CELF2: variants seen among roughly 807,000 people sequenced by gnomAD.
CELF2 encodes CUG triplet repeat RNA-binding protein 2.
CELF2 carries 8 observed loss-of-function variants against 62.6 expected under a neutral mutation model. The ratio of observed to expected loss-of-function variants is 0.13; its 90% CI spans 0.07 to 0.23. The LOEUF is 0.23. CELF2 is among the 10% of genes least tolerant of loss of function. The pLI, the probability that CELF2 is intolerant of heterozygous loss-of-function variation, is 1.00. For synonymous variants in CELF2, 258 were observed against 250.0 expected, an observed-to-expected ratio of 1.03 and a Z score of -0.30; for missense variants, 333 against 671.0, an observed-to-expected ratio of 0.50 and a Z score of 5.56.
chr10:11,257,945 T>A, intron 5 of CELF2, 73 bp downstream of exon 5: 1 of 1,568,872 alleles, frequency 6.4e-7, no homozygotes. Flanking sequence ...GAGACAGATG[T>A]AGGCACCGCA....
At chr10:10,549,370 G>A in the CELF2 span, among the ~76,000 whole-genome samples, 83 of 152,260 alleles carry the variant, frequency 5.5e-4, no homozygotes, top group East Asian at 0.014. Context: ...TGCAACTTCC[G>A]CCTCCTGTGT....
the CELF2 span, among the ~76,000 whole-genome samples, chr10:10,759,296 CTTTTTTTTTTTTTTTTTTTTT>C: frequency 8.3e-6 from 1 of 120,904 alleles, no homozygotes; most frequent in Non-Finnish European, 1.7e-5. Context: ...GCCCATTTTT[CTTTTTTTTTTTTTTTTTTTTT>C]TTTTTTTTTG....
At chr10:10,624,466 A>G in the CELF2 span, among the ~76,000 whole-genome samples, 1 of 152,224 alleles carries the variant, frequency 6.6e-6, no homozygotes, top group South Asian at 2.1e-4. Flanking sequence ...TTTCAGTACA[A>G]GCAGTTAGTA....
chr10:10,607,272 TCA>T, the CELF2 span, among the ~76,000 whole-genome samples: 3 of 152,166 alleles, frequency 2.0e-5, no homozygotes, highest in Non-Finnish European at 4.4e-5. Context: ...ATTTCATTTT[TCA>T]CAGTGTTACA....
chr10:11,037,386 A>G (rs2061134994), intron 1 of CELF2, among the ~76,000 whole-genome samples: 1 of 152,220 alleles, frequency 6.6e-6, no homozygotes. Context: ...TTGTGTGAGG[A>G]CACAGCCAAA....
the CELF2 span, among the ~76,000 whole-genome samples, chr10:10,659,815 G>T: frequency 1.3e-5 from 2 of 152,166 alleles, no homozygotes; most frequent in African/African-American, 4.8e-5. Context: ...CAGCTACTCA[G>T]ATCCACCAGA....
At chr10:11,275,629 T>A (rs2085768990) in intron 8 of CELF2, among the ~76,000 whole-genome samples, 2 of 152,226 alleles carry the variant, frequency 1.3e-5, no homozygotes, top group Admixed American at 6.5e-5. Context: ...CTTTTTACCG[T>A]AGTGCCCCAG....
chr10:10,504,884 C>T, the CELF2 span, among the ~76,000 whole-genome samples: 1 of 151,982 alleles, frequency 6.6e-6, no homozygotes, highest in Non-Finnish European at 1.5e-5. Context: ...CCATTTGCTT[C>T]TTCTCTATAA....
chr10:10,933,928 T>C (rs776804999), intron 2 of CELF2, among the ~76,000 whole-genome samples: 60 of 152,218 alleles, frequency 3.9e-4, no homozygotes, highest in Non-Finnish European at 7.6e-4. Flanking sequence ...TGTCCTGACG[T>C]ATTGATTTCA....
chr10:10,524,711 C>G, the CELF2 span, among the ~76,000 whole-genome samples: 1 of 152,068 alleles, frequency 6.6e-6, no homozygotes, highest in African/African-American at 2.4e-5. Context: ...TAGCAGTATT[C>G]AAATGATGCC....
upstream of CELF2, chr10:11,017,858 G>A (rs1202514255): frequency 1.3e-6 from 1 of 747,250 alleles, no homozygotes; most frequent in Non-Finnish European, 1.6e-6. The surrounding 1 kb of genome is among the most constrained non-coding windows in gnomAD (Gnocchi z 5.5). Context: ...GGCGGCGGGC[G>A]CCCCGCGAGC....
At chr10:10,544,560 A>T in the CELF2 span, among the ~76,000 whole-genome samples, 2 of 152,284 alleles carry the variant, frequency 1.3e-5, no homozygotes, top group Admixed American at 1.3e-4. Flanking sequence ...AAAATATTCC[A>T]TGTATAAAGC....
the CELF2 span, among the ~76,000 whole-genome samples, chr10:10,517,184 G>C: frequency 6.6e-6 from 1 of 152,084 alleles, no homozygotes; most frequent in Non-Finnish European, 1.5e-5. Flanking sequence ...TCATAGACAG[G>C]CATGATTAGG....
chr10:10,835,249 A>G (rs1286444995), intron 1 of CELF2, among the ~76,000 whole-genome samples: 1 of 151,824 alleles, frequency 6.6e-6, no homozygotes, highest in African/African-American at 2.4e-5. Flanking sequence ...GTGCTCGGCT[A>G]GTTATTTTTT....
rs1443445500 is a variant in CELF2, at chr10:10,837,665, G to C, written c.53+38848G>C. Among the ~76,000 whole-genome samples, 8 of 152,142 alleles carry C rather than the reference G, an allele frequency of 5.3e-5. No homozygotes were observed. The East Asian group carries it at 7.7e-4, about 15-fold the overall frequency. On this transcript the variant is annotated intron_variant, in intron 1 of 13. Transcript: ENST00000636488. Reference sequence around the variant, plus strand: ...CAAAGTATTAACGGTCAGACTGGTGGTGACATTCCCCACTCAATTATTCCA... The same window carrying C: ...CAAAGTATTAACGGTCAGACTGGTGCTGACATTCCCCACTCAATTATTCCA...
At chr10:10,553,219 C>A in the CELF2 span, among the ~76,000 whole-genome samples, 1 of 152,130 alleles carries the variant, frequency 6.6e-6, no homozygotes, top group African/African-American at 2.4e-5. Context: ...CTTTATAAAA[C>A]GGTCAGATCT....
At chr10:10,508,708 AT>A in the CELF2 span, among the ~76,000 whole-genome samples, 33 of 134,474 alleles carry the variant, frequency 2.5e-4, no homozygotes, top group Admixed American at 4.3e-4. Flanking sequence ...GTGTGTGTAT[AT>A]TTTTTTTTTT....
the CELF2 span, among the ~76,000 whole-genome samples, chr10:10,714,942 A>C: frequency 6.6e-6 from 1 of 152,086 alleles, no homozygotes; most frequent in Non-Finnish European, 1.5e-5. Context: ...CTTCCACCAT[A>C]CCAAAGATTC....
chr10:11,083,631 T>G (rs1409785137), intron 1 of CELF2, among the ~76,000 whole-genome samples: 2 of 152,182 alleles, frequency 1.3e-5, no homozygotes, highest in Admixed American at 1.3e-4. Context: ...ATATTTCCCC[T>G]TTTCCTGCAA....
Sources: allele counts gnomAD v4.1 joint callset (sites outside exome capture counted in the v4.1 genomes callset), GRCh38; gene constraint gnomAD v4.1.1; non-coding constraint Gnocchi (gnomAD v3.1); transcripts MANE v1.5; gene names NCBI Gene and HGNC (gene_info 2026-07-23, HGNC 2026-07-21).